Variants in CFAP47 observed in about 807,000 individuals in gnomAD.
CFAP47 encodes the protein cilia and flagella associated protein 47.
CFAP47 carries 29 observed loss-of-function variants against 148.1 expected under a neutral mutation model. That is an observed-to-expected ratio of 0.20 (90% CI 0.15 to 0.27). The LOEUF (loss-of-function observed/expected upper bound fraction) is 0.27, where lower values mean the gene tolerates loss of function less well. Among genes scored for constraint, CFAP47 ranks in the 10% least tolerant of loss-of-function variants. The probability of loss-of-function intolerance (pLI) is 1.00; values close to 1 mark genes in which losing one functional copy is unlikely to be tolerated. For synonymous variants in CFAP47, 664 were observed against 577.3 expected (o/e 1.15, Z -2.15); for missense variants, 1,872 against 1,697.5 (o/e 1.10, Z -1.81).
chrX:36,080,222 C>T (rs2146770688), intron 29 of CFAP47, among the ~76,000 whole-genome samples: 1 of 111,738 alleles, frequency 8.9e-6, no homozygotes, highest in South Asian at 3.7e-4. Flanking sequence ...AAATCAAAAC[C>T]ACAGTGAGAT....
intron 49 of CFAP47, among the ~76,000 whole-genome samples, chrX:36,275,947 A>G (rs1473063273): frequency 9.0e-6 from 1 of 110,939 alleles, no homozygotes; most frequent in Non-Finnish European, 1.9e-5. Context: ...GAAATTTTCC[A>G]TTTAATCTAA....
chrX:36,162,603 A>T (rs1243814619), intron 39 of CFAP47, among the ~76,000 whole-genome samples: 1 of 111,459 alleles, frequency 9.0e-6, no homozygotes, highest in African/African-American at 3.3e-5. Flanking sequence ...ACAAGAATTG[A>T]TCATGTTTTA....
At chrX:35,970,616 T>G in intron 10 of CFAP47, 152 bp from the exon 11 acceptor site, 1 of 373,020 alleles carries the variant, frequency 2.7e-6, no homozygotes, top group Non-Finnish European at 4.7e-6. Context: ...TGTCTTGATA[T>G]AGAATAGCAT....
At chrX:35,963,756 T>C (rs964582057) in intron 8 of CFAP47, among the ~76,000 whole-genome samples, 2 of 111,597 alleles carry the variant, frequency 1.8e-5, no homozygotes, top group Non-Finnish European at 3.8e-5. Context: ...ATTTTCTTAG[T>C]GACTGCCCTT....
chrX:36,013,187 C>G (rs66567033), intron 21 of CFAP47, among the ~76,000 whole-genome samples: 8,817 of 111,341 alleles, frequency 0.079, 879 homozygotes, highest in African/African-American at 0.27. Context: ...TCGACTCTTT[C>G]TTTTCTCTTT....
intron 27 of CFAP47, among the ~76,000 whole-genome samples, chrX:36,068,522 G>A (rs1937682320): frequency 9.0e-6 from 1 of 111,542 alleles, no homozygotes; most frequent in Admixed American, 9.5e-5. Flanking sequence ...TAAAAGAATG[G>A]GTTATATGTG....
chrX:36,230,476 A>C (rs1305830533), intron 46 of CFAP47, among the ~76,000 whole-genome samples: 10 of 104,463 alleles, frequency 9.6e-5, no homozygotes, highest in East Asian at 6.1e-4. Context: ...TTTCTTGTAA[A>C]TTTGTTTGAG....
chrX:36,013,283 A>G (rs1269694939), intron 21 of CFAP47, among the ~76,000 whole-genome samples: 5 of 111,806 alleles, frequency 4.5e-5, no homozygotes, highest in African/African-American at 1.6e-4. Flanking sequence ...TTGCAAATAT[A>G]TTTTGTAGCT....
chrX:36,368,952 A>T (rs1325404192), intron 62 of CFAP47, among the ~76,000 whole-genome samples: 1 of 111,441 alleles, frequency 9.0e-6, no homozygotes, highest in Non-Finnish European at 1.9e-5. Flanking sequence ...AAACCCAGAG[A>T]TTGAGAGCCA....
intron 60 of CFAP47, among the ~76,000 whole-genome samples, chrX:36,357,190 T>C (rs782803322): frequency 4.5e-5 from 5 of 112,123 alleles, no homozygotes; most frequent in Admixed American, 1.9e-4. Context: ...TTTCCACCCG[T>C]GGCAAGTCAT....
intron 45 of CFAP47, among the ~76,000 whole-genome samples, chrX:36,208,768 C>T (rs1555989111): frequency 1.8e-5 from 2 of 110,853 alleles, no homozygotes; most frequent in African/African-American, 6.6e-5. Flanking sequence ...GAGTTTGAGA[C>T]CAGTGTGGCC....
chrX:36,371,739 T>TACACACATGTGTATATATACACAC (rs200743716), intron 62 of CFAP47, among the ~76,000 whole-genome samples: 9 of 58,730 alleles, frequency 1.5e-4, no homozygotes, highest in Non-Finnish European at 2.8e-4. Flanking sequence ...TGTGTGTATA[T>TACACACATGTGTATATATACACAC]ATGTGTGTAT....
In CFAP47 at chrX:36,298,997, A is replaced by G. The variant is rs1556007322; in HGVS notation, c.7707A>G (p.Ile2569Met). 2.6e-6 allele frequency: 3 copies of G among 1,153,246 alleles called. No individual in the cohort carries two copies. Among genetic ancestry groups the G allele is most frequent in the Non-Finnish European group, 3.5e-6 (3 of 861,428 alleles). ...CIALDSTCIE[I>M]PLSNPKDRGL... ...TCTAGGACAGCACTTGCATTGAAAT[A>G]CCTCTCTCTAATCCAAAAGATAGAG... Residue 2569 changes from isoleucine (I) to methionine (M), a missense_variant, in exon 52 of 64, where the codon ATA becomes ATG. Ile to Met is a conservative substitution (Grantham distance 10). Coordinates refer to ENST00000378653, the MANE Select transcript of CFAP47 (RefSeq NM_001304548.2).
At chrX:36,167,039 C>G (rs1939499558) in intron 39 of CFAP47, among the ~76,000 whole-genome samples, 1 of 111,483 alleles carries the variant, frequency 9.0e-6, no homozygotes, top group African/African-American at 3.3e-5. Flanking sequence ...AAAAACAGTT[C>G]TATAAATCAT....
chrX:36,052,820 G>T (rs1177946756), intron 26 of CFAP47, among the ~76,000 whole-genome samples: 2 of 112,496 alleles, frequency 1.8e-5, no homozygotes, highest in Admixed American at 9.4e-5. Flanking sequence ...TCTAAATATT[G>T]TTCTGCTCAG....
chrX:35,984,536 A>C (rs1936688905), intron 15 of CFAP47, among the ~76,000 whole-genome samples: 1 of 110,939 alleles, frequency 9.0e-6, no homozygotes, highest in African/African-American at 3.3e-5. Context: ...TCCTCTAGTT[A>C]TGATGTTTGG....
At position 36,371,759 on chromosome X, in the gene CFAP47, T is replaced by C. The variant is rs868995874; in HGVS notation, c.9185+4632T>C. 1.1e-4 allele frequency among the ~76,000 whole-genome samples: 6 copies of C among 53,582 alleles called. 1 individual carries two copies. The highest frequency in any genetic ancestry group is 3.5e-4 in the Admixed American group (2 of 5,792). 46.5% of individuals were successfully genotyped at this position (53,582 alleles called of 115,157 possible). On this transcript the variant is annotated intron_variant, in intron 62 of 63. Transcript: ENST00000378653. ...GTATATATGTGTGTATATACACACATGTGTGTATATACACACATGTGTATA... is the reference window on the plus strand; with the variant it reads ...GTATATATGTGTGTATATACACACACGTGTGTATATACACACATGTGTATA...
At chrX:36,137,911 T>A in intron 33 of CFAP47, 47 bp from the exon 34 acceptor site, 1 of 517,051 alleles carries the variant, frequency 1.9e-6, no homozygotes, top group Non-Finnish European at 3.2e-6. Flanking sequence ...TATCTTTTAA[T>A]AAAGTAAAAC....
intron 15 of CFAP47, chrX:35,985,932 A>G (rs1327151155): frequency 5.9e-6 from 2 of 338,038 alleles, no homozygotes; most frequent in Admixed American, 2.8e-5. Context: ...AATCCCCACA[A>G]TGTGATTCTC....
Sources: gnomAD v4.1 joint callset for allele counts (sites outside exome capture counted in the v4.1 genomes callset) on GRCh38, gnomAD v4.1.1 for gene constraint, MANE v1.5 for transcripts, NCBI Gene and HGNC (gene_info 2026-07-23, HGNC 2026-07-21) for gene names.